CHSY3: variants seen among roughly 807,000 people sequenced by gnomAD.
CHSY3 encodes the protein N-acetylgalactosaminyl-proteoglycan 3-beta-glucuronosyltransferase 3.
In CHSY3, 35 loss-of-function variants were observed where a neutral mutation model predicts 67.2. The ratio of observed to expected loss-of-function variants is 0.52; its 90% CI spans 0.40 to 0.69. The LOEUF (loss-of-function observed/expected upper bound fraction) is 0.69. Among genes scored for constraint, CHSY3 ranks in the 30% least tolerant of loss-of-function variants. The pLI is 0.00. For synonymous variants in CHSY3, 474 were observed against 434.7 expected (o/e 1.09, Z -1.12); for missense variants, 1,069 against 1,138.5 (o/e 0.94, Z 0.88).
At chr5:130,141,251 G>T in intron 2 of CHSY3, 1 of 477,934 alleles carries the variant, frequency 2.1e-6, no homozygotes, top group South Asian at 1.8e-5. Flanking sequence ...GTAGAGTCAT[G>T]ACTGTCCTCA....
At chr5:129,953,690 T>G (rs1036952308) in intron 2 of CHSY3, among the ~76,000 whole-genome samples, 2 of 152,232 alleles carry the variant, frequency 1.3e-5, no homozygotes, top group African/African-American at 4.8e-5. Context: ...TATGAGATGG[T>G]ACCTCATTGT....
At chr5:130,001,644 A>T in intron 2 of CHSY3, 2 of 799,896 alleles carry the variant, frequency 2.5e-6, no homozygotes, top group Non-Finnish European at 3.0e-6. Context: ...AAGGAGTAGG[A>T]TAATATGTAG....
intron 2 of CHSY3, chr5:130,141,585 T>A: frequency 2.1e-6 from 1 of 480,112 alleles, no homozygotes; most frequent in South Asian, 1.6e-5. Context: ...TCCAGGAAGC[T>A]GAGAAATACA....
At chr5:129,982,708 A>C (rs1274685964) in intron 2 of CHSY3, among the ~76,000 whole-genome samples, 1 of 152,082 alleles carries the variant, frequency 6.6e-6, no homozygotes, top group African/African-American at 2.4e-5. Flanking sequence ...ATGTTAATTT[A>C]ATTAAAGAAA....
intron 2 of CHSY3, among the ~76,000 whole-genome samples, chr5:130,041,873 T>C (rs1225489695): frequency 6.6e-6 from 1 of 152,098 alleles, no homozygotes; most frequent in Non-Finnish European, 1.5e-5. Context: ...CTTTATAAAT[T>C]AGGAAACAGA....
At chr5:130,155,632 C>T (rs1037715797) in intron 2 of CHSY3, among the ~76,000 whole-genome samples, 5 of 152,138 alleles carry the variant, frequency 3.3e-5, no homozygotes, top group Admixed American at 1.3e-4. Context: ...ACAGGCTCCT[C>T]GTGGGGTAAA....
intron 2 of CHSY3, among the ~76,000 whole-genome samples, chr5:129,960,815 A>G (rs1411014193): frequency 6.6e-6 from 1 of 152,064 alleles, no homozygotes; most frequent in Non-Finnish European, 1.5e-5. Context: ...TTTTATATGT[A>G]CCCTACTCCA....
At chr5:130,171,318 T>G (rs1769888748) in intron 2 of CHSY3, among the ~76,000 whole-genome samples, 1 of 152,154 alleles carries the variant, frequency 6.6e-6, no homozygotes, top group African/African-American at 2.4e-5. Flanking sequence ...ATCATTAGAT[T>G]TTTTTTCTTA....
At chr5:130,143,620 C>A (rs962066771) in intron 2 of CHSY3, among the ~76,000 whole-genome samples, 1 of 150,484 alleles carries the variant, frequency 6.6e-6, no homozygotes, top group Non-Finnish European at 1.5e-5. Flanking sequence ...TGCATACTAT[C>A]ACTACTATGA....
Position 129,905,588 on chromosome 5 carries a change from G to T in CHSY3, c.759G>T (p.Lys253Asn). The T allele has an allele frequency of 6.2e-7, 1 of 1,613,808 alleles. No individual in the cohort carries two copies. Among genetic ancestry groups the T allele is most frequent in the Non-Finnish European group, 8.5e-7 (1 of 1,180,022 alleles). ...IKYMHDHYLD[K>N]YEWFMRADDD... Reference sequence around the variant, plus strand: ...ACATGCACGACCACTACCTGGACAAGTATGAGTGGTTCATGCGCGCCGACG... The same window carrying T: ...ACATGCACGACCACTACCTGGACAATTATGAGTGGTTCATGCGCGCCGACG... Residue 253 changes from lysine to asparagine, a missense_variant, in exon 1 of 3, where the codon AAG becomes AAT. This residue lies in a region of CHSY3 where 216 missense variants were observed against 311.5 expected (regional missense o/e 0.69). Coordinates refer to ENST00000305031, the MANE Select transcript of CHSY3 (RefSeq NM_175856.5).
chr5:130,011,090 C>T (rs947136088), intron 2 of CHSY3, among the ~76,000 whole-genome samples: 12 of 152,226 alleles, frequency 7.9e-5, no homozygotes, highest in African/African-American at 2.9e-4. Context: ...ATTCCATTGA[C>T]TTGAGAAAGC....
At chr5:130,039,161 G>C (rs1174784619) in intron 2 of CHSY3, among the ~76,000 whole-genome samples, 1 of 152,038 alleles carries the variant, frequency 6.6e-6, no homozygotes, top group Non-Finnish European at 1.5e-5. Context: ...CCCTTTGTAG[G>C]ACTTTAGAGT....
chr5:130,005,279 G>T (rs574445881), intron 2 of CHSY3, among the ~76,000 whole-genome samples: 1 of 151,962 alleles, frequency 6.6e-6, no homozygotes, highest in East Asian at 1.9e-4. Context: ...GCTGGGCATG[G>T]TGGCATGAGC....
At chr5:129,977,447 T>C (rs1762845160) in intron 2 of CHSY3, among the ~76,000 whole-genome samples, 1 of 152,236 alleles carries the variant, frequency 6.6e-6, no homozygotes, top group Non-Finnish European at 1.5e-5. Flanking sequence ...CAGTCTTTTG[T>C]ACACATAATA....
Position 130,184,909 on chromosome 5 carries a change from T to C in CHSY3, c.1767T>C (p.Ser589=). 6.5e-7 allele frequency: 1 copy of C among 1,545,968 alleles called. No homozygotes were observed. The highest frequency in any genetic ancestry group is 1.1e-5 in the South Asian group (1 of 89,750). Residue 589 remains serine, a synonymous_variant, in exon 3 of 3, where the codon AGT becomes AGC. Coordinates refer to ENST00000305031, the MANE Select transcript of CHSY3 (RefSeq NM_175856.5). ...DVNSLVESIN[S]ETQSFSFISN... ...ACAGTCTTGTGGAGAGTATTAACAG[T>C]GAAACTCAGTCATTCTCCTTTATAT...
intron 2 of CHSY3, among the ~76,000 whole-genome samples, chr5:130,077,800 TA>T (rs1304540953): frequency 6.7e-6 from 1 of 149,132 alleles, no homozygotes; most frequent in African/African-American, 2.4e-5. Flanking sequence ...TATATGTGTG[TA>T]TATATATATA....
At chr5:130,107,781 T>C (rs1767457714) in intron 2 of CHSY3, among the ~76,000 whole-genome samples, 1 of 151,594 alleles carries the variant, frequency 6.6e-6, no homozygotes, top group Non-Finnish European at 1.5e-5. Flanking sequence ...TAATTATTGG[T>C]ATCATGCCTG....
intron 2 of CHSY3, among the ~76,000 whole-genome samples, chr5:129,911,883 C>T (rs1760565810): frequency 6.6e-6 from 1 of 151,998 alleles, no homozygotes; most frequent in South Asian, 2.1e-4. Flanking sequence ...GGTGAAACCC[C>T]GTCTCTACTA....
chr5:130,041,328 TTCCTGACA>T (rs1765001504), intron 2 of CHSY3, among the ~76,000 whole-genome samples: 7 of 152,110 alleles, frequency 4.6e-5, no homozygotes, highest in Admixed American at 4.6e-4. Flanking sequence ...CTGCAATGGT[TTCCTGACA>T]CTCTGTTCCA....
Sources: gnomAD v4.1 joint callset for allele counts (sites outside exome capture counted in the v4.1 genomes callset) on GRCh38, gnomAD v4.1.1 for gene constraint, gnomAD v4.1.1 regional missense constraint, MANE v1.5 for transcripts, NCBI Gene and HGNC (gene_info 2026-07-23, HGNC 2026-07-21) for gene names.